MYT1L: variants seen among roughly 807,000 people sequenced by gnomAD.
MYT1L encodes the protein myelin transcription factor 1 like, also known as myelin transcription factor 1-like protein.
A neutral mutation model predicts 126.7 loss-of-function variants in MYT1L; 12 were observed. The observed-to-expected ratio is 0.09, with a 90% confidence interval of 0.06 to 0.15. The LOEUF is 0.15. Ranked by LOEUF, MYT1L falls within the 10% of genes least tolerant of loss-of-function variation. The pLI is 1.00. For missense variants in MYT1L, 979 were observed against 1,585.2 expected, an observed-to-expected ratio of 0.62 and a Z score of 6.49; for synonymous variants, 541 against 604.2, an observed-to-expected ratio of 0.90 and a Z score of 1.53.
chr2:2,113,720 C>G (rs1319397346), intron 3 of MYT1L, among the ~76,000 whole-genome samples: 5 of 152,210 alleles, frequency 3.3e-5, no homozygotes, highest in Non-Finnish European at 7.3e-5. Context: ...AACATTACCG[C>G]CTCCATTACA....
chr2:1,851,792 A>ACT (rs2043293175), intron 18 of MYT1L, 89 bp from the exon 19 acceptor site: 1 of 1,243,672 alleles, frequency 8.0e-7, no homozygotes, highest in Admixed American at 1.7e-5. Flanking sequence ...AAGCAAACTA[A>ACT]CTCTATTGCT....
At chr2:2,321,409 G>C (rs923331932) in intron 1 of MYT1L, among the ~76,000 whole-genome samples, 1 of 152,120 alleles carries the variant, frequency 6.6e-6, no homozygotes, top group African/African-American at 2.4e-5. Context: ...GTTTCATGGC[G>C]ACAATGCTCT....
chr2:2,088,883 T>C (rs1395617700), intron 3 of MYT1L, among the ~76,000 whole-genome samples: 1 of 152,186 alleles, frequency 6.6e-6, no homozygotes, highest in African/African-American at 2.4e-5. Context: ...AAAACAGCAC[T>C]CTCAAGTATC....
intron 3 of MYT1L, among the ~76,000 whole-genome samples, chr2:2,162,164 TC>T (rs1399733023): frequency 5.3e-5 from 8 of 151,944 alleles, no homozygotes; most frequent in East Asian, 3.9e-4. Context: ...AAGGCAGACC[TC>T]CATGGGGCGC....
At chr2:2,037,049 G>A (rs929156203) in intron 4 of MYT1L, among the ~76,000 whole-genome samples, 2 of 152,192 alleles carry the variant, frequency 1.3e-5, no homozygotes, top group African/African-American at 4.8e-5. Context: ...CCCTCTGCCT[G>A]AAATAGTCCC....
chr2:2,211,579 G>A lies in MYT1L; in HGVS notation c.-420-38591C>T, dbSNP rs145229306. ...TCCCTGCACTTTAGGAGGCCGAGGCGGGCAGATCATGAGGTCAGGAGTTCG... is the reference window on the plus strand; with the variant it reads ...TCCCTGCACTTTAGGAGGCCGAGGCAGGCAGATCATGAGGTCAGGAGTTCG... On this transcript the variant is annotated intron_variant, in intron 2 of 24. Coordinates refer to ENST00000647738, the MANE Select transcript of MYT1L (RefSeq NM_001303052.2). 2.0e-3 allele frequency among the ~76,000 whole-genome samples: 299 copies of A among 152,074 alleles called. 8 individuals are homozygous for A. In the East Asian group the frequency reaches 0.038, roughly 20 times the overall value.
chr2:1,928,606 G>T (rs377251526), intron 9 of MYT1L, among the ~76,000 whole-genome samples: 1 of 152,184 alleles, frequency 6.6e-6, no homozygotes, highest in Middle Eastern at 3.2e-3. Context: ...AGAGAGTAAC[G>T]CCGCTCCCTT....
chr2:2,252,176 C>T (rs1159457089), intron 2 of MYT1L, among the ~76,000 whole-genome samples: 4 of 152,152 alleles, frequency 2.6e-5, no homozygotes, highest in East Asian at 1.9e-4. Flanking sequence ...TTCCTGGCTT[C>T]GTTCTCAAGG....
At chr2:2,261,399 A>G (rs1389658578) in intron 2 of MYT1L, among the ~76,000 whole-genome samples, 1 of 152,226 alleles carries the variant, frequency 6.6e-6, no homozygotes, top group African/African-American at 2.4e-5. Context: ...TAACTATATC[A>G]TCTGCTAATG....
rs532406263 is a variant in MYT1L at position 1,889,918 on chromosome 2, A to ATG, written c.2284-443_2284-442dup. Among the ~76,000 whole-genome samples, 11 of 152,078 alleles carry ATG rather than the reference A, an allele frequency of 7.2e-5. No homozygotes were observed. The highest frequency in any genetic ancestry group is 3.9e-4 in the East Asian group (2 of 5,174). The stretch of plus-strand genomic sequence containing the variant: ...CATGTGTGCATATACATGTATGTGC[A>ATG]TGTGTGTGTGTGTATAAACACACAT... On this transcript the variant is annotated intron_variant, in intron 15 of 24. Transcript: ENST00000647738. The surrounding 1 kb of genome is among the most constrained non-coding windows in gnomAD (Gnocchi z 4.1).
chr2:2,295,685 C>G (rs13022470), intron 1 of MYT1L, among the ~76,000 whole-genome samples: 249 of 18,476 alleles, frequency 0.013, 4 homozygotes, highest in African/African-American at 0.039. Flanking sequence ...GAGAGACAGA[C>G]AGAGAGAGAG....
At chr2:2,316,220 C>T (rs900261150) in intron 1 of MYT1L, among the ~76,000 whole-genome samples, 7 of 152,088 alleles carry the variant, frequency 4.6e-5, no homozygotes, top group African/African-American at 1.7e-4. Flanking sequence ...TTCTCTATTT[C>T]GCTGGGATAT....
chr2:2,027,534 G>T (rs2065776763), intron 4 of MYT1L, among the ~76,000 whole-genome samples: 1 of 152,178 alleles, frequency 6.6e-6, no homozygotes, highest in Non-Finnish European at 1.5e-5. Context: ...GCGTTGTCAA[G>T]ATTACACAAC....
At chr2:1,798,194 T>TC (rs2034136268) in intron 23 of MYT1L, among the ~76,000 whole-genome samples, 4 of 16,690 alleles carry the variant, frequency 2.4e-4, no homozygotes, top group Non-Finnish European at 4.9e-4. Flanking sequence ...GCGGTCTCCC[T>TC]CTTCTCCGGC....
At position 2,164,832 on chromosome 2, in the gene MYT1L, T is replaced by C. The variant is rs960821344; in HGVS notation, c.-304+8040A>G. 1.4e-4 allele frequency among the ~76,000 whole-genome samples: 21 copies of C among 152,234 alleles called. 1 individual carries two copies. Among genetic ancestry groups the C allele is most frequent in the African/African-American group, 5.1e-4 (21 of 41,466 alleles). ...CCCTTGCCTTTAGGACTGCATTCCA[T>C]GTACACAAGTTTCCAAACACAGTGT... On this transcript the variant is annotated intron_variant, in intron 3 of 24. Transcript: ENST00000647738.
intron 4 of MYT1L, among the ~76,000 whole-genome samples, chr2:2,027,980 T>C (rs2149889398): frequency 6.6e-6 from 1 of 152,366 alleles, no homozygotes; most frequent in South Asian, 2.1e-4. Context: ...GCTTGGATGC[T>C]TCCTCATATT....
Position 1,979,743 on chromosome 2 carries a change from G to A in MYT1L, c.35C>T (p.Thr12Met). Residue 12 changes from threonine to methionine, a missense_variant, in exon 6 of 25, where the codon ACG (threonine) becomes ATG (methionine). By Grantham distance (81) the Thr-to-Met change is moderately conservative (BLOSUM62 -1). Transcript: ENST00000647738. The surrounding 1 kb of genome is among the most constrained non-coding windows in gnomAD (Gnocchi z 4.0). ...EVDTEEKRHR[T>M]RSKGVRVPVE... ...CATACCTCGAACCCCTTTGGACCGCGTGCGATGCCGCTTCTCCTCGGTGTC... is the reference window on the plus strand; with the variant it reads ...CATACCTCGAACCCCTTTGGACCGCATGCGATGCCGCTTCTCCTCGGTGTC... 1.2e-6 allele frequency: 2 copies of A among 1,613,996 alleles called. No individual in the cohort carries two copies. The highest frequency in any genetic ancestry group is 2.2e-5 in the East Asian group (1 of 44,872).
chr2:2,142,560 C>A lies in MYT1L; in HGVS notation c.-304+30312G>T, dbSNP rs115613982. Among the ~76,000 whole-genome samples the A allele has an allele frequency of 7.2e-3, 1,094 of 152,238 alleles. 15 individuals carry two copies. Among genetic ancestry groups the A allele is most frequent in the African/African-American group, 0.025 (1,033 of 41,552 alleles). On this transcript the variant is annotated intron_variant, in intron 3 of 24. Transcript: ENST00000647738. ...ATGTTCCCATCTGGAGAGGGAGCTCCACATCCATGCACAGTAACCGTTCAG... is the reference window on the plus strand; with the variant it reads ...ATGTTCCCATCTGGAGAGGGAGCTCAACATCCATGCACAGTAACCGTTCAG...
intron 2 of MYT1L, among the ~76,000 whole-genome samples, chr2:2,213,500 C>A (rs2093592726): frequency 6.6e-6 from 1 of 152,144 alleles, no homozygotes; most frequent in South Asian, 2.1e-4. Flanking sequence ...CGAAAAACCA[C>A]CTGAAAATCC....
Sources: gnomAD v4.1 joint callset for allele counts (sites outside exome capture counted in the v4.1 genomes callset) on GRCh38, gnomAD v4.1.1 for gene constraint, Gnocchi (gnomAD v3.1) non-coding constraint, MANE v1.5 for transcripts, NCBI Gene and HGNC (gene_info 2026-07-23, HGNC 2026-07-21) for gene names.